The following XPO7 variants were observed in gnomAD, a reference collection of about 807,000 sequenced individuals.
XPO7 encodes the protein exportin-7.
XPO7 carries 21 observed loss-of-function variants against 144.3 expected under a neutral mutation model. That is an observed-to-expected ratio of 0.15 (90% CI 0.10 to 0.21). The LOEUF (loss-of-function observed/expected upper bound fraction) is 0.21, where lower values mean the gene tolerates loss of function less well. Ranked by LOEUF, XPO7 falls within the 10% of genes least tolerant of loss-of-function variation. The probability of loss-of-function intolerance (pLI) is 1.00; values close to 1 mark genes in which losing one functional copy is unlikely to be tolerated. For synonymous variants in XPO7, 580 were observed against 499.6 expected (o/e 1.16, Z -2.15); for missense variants, 808 against 1,325.8 (o/e 0.61, Z 6.06).
At chr8:21,976,894 A>G (rs1812240924) in intron 7 of XPO7, among the ~76,000 whole-genome samples, 1 of 152,192 alleles carries the variant, frequency 6.6e-6, no homozygotes, top group African/African-American at 2.4e-5. Flanking sequence ...CCTGGGTTCA[A>G]GTGATTCTCC....
rs1290782502 is a variant in XPO7 at position 21,989,078 on chromosome 8, C to A, written c.1863C>A (p.Ser621=). The A allele has an allele frequency of 1.9e-6, 3 of 1,613,428 alleles. No homozygotes were observed. Among genetic ancestry groups the A allele is most frequent in the Non-Finnish European group, 2.5e-6 (3 of 1,179,574 alleles). The change falls in exon 16 of 28, where the codon TCC becomes TCA. Residue 621 remains serine (S), a synonymous_variant. Coordinates refer to ENST00000252512, the MANE Select transcript of XPO7 (RefSeq NM_015024.5). ...SKTLQLLNDL[S]IGYSSVRKLV... ...CACTACAGCTTCTCAATGACCTGTC[C>A]ATTGGATATCCTTTTCTAAGCTAAC... is the stretch of plus-strand genomic sequence containing the variant.
intron 1 of XPO7, among the ~76,000 whole-genome samples, chr8:21,962,431 TTGTC>T (rs953767924): frequency 2.0e-5 from 3 of 152,250 alleles, no homozygotes; most frequent in African/African-American, 4.8e-5. Flanking sequence ...GAATAGTTTT[TTGTC>T]TGGTTGGTTT....
At chr8:21,932,117 G>C (rs1469803258) in intron 1 of XPO7, among the ~76,000 whole-genome samples, 1 of 152,020 alleles carries the variant, frequency 6.6e-6, no homozygotes, top group African/African-American at 2.4e-5. Context: ...CAGGTGATCC[G>C]CACGCCTCCC....
intron 1 of XPO7, among the ~76,000 whole-genome samples, chr8:21,923,283 C>T (rs987852460): frequency 2.2e-4 from 33 of 152,266 alleles, no homozygotes; most frequent in Non-Finnish European, 2.4e-4. Context: ...TTCTGATGCT[C>T]TTTTGGCAGG....
In XPO7 at chr8:21,985,627, G is replaced by A. The variant is rs568743752; in HGVS notation, c.1513G>A (p.Gly505Ser). ...GGTTTACATTATTGGAGCAGTGATC[G>A]GTGGCCGGGTTTCTTTTGCCAGCAC... ...WLVYIIGAVI[G>S]GRVSFASTDE... Residue 505 changes from glycine to serine, a missense_variant, in exon 13 of 28, where the codon GGT becomes AGT. Physicochemically the swap from Gly to Ser is moderately conservative, Grantham distance 56 (BLOSUM62 0). Transcript: ENST00000252512. 6 of 1,613,878 alleles carry A rather than the reference G, an allele frequency of 3.7e-6. No individual in the cohort carries two copies. The highest frequency in any genetic ancestry group is 4.5e-5 in the East Asian group (2 of 44,882).
intron 24 of XPO7, among the ~76,000 whole-genome samples, chr8:22,001,757 C>G (rs1813155605): frequency 6.6e-6 from 1 of 152,188 alleles, no homozygotes; most frequent in Non-Finnish European, 1.5e-5. Context: ...TTCCTGAGTT[C>G]TTGAGAGGAT....
At chr8:21,972,355 T>C (rs1022646433) in intron 5 of XPO7, among the ~76,000 whole-genome samples, 1 of 152,136 alleles carries the variant, frequency 6.6e-6, no homozygotes, top group African/African-American at 2.4e-5. Context: ...GGCATGTGCC[T>C]GTAGTCCCAG....
chr8:21,950,596 A>G (rs1811338516), intron 1 of XPO7, among the ~76,000 whole-genome samples: 1 of 152,214 alleles, frequency 6.6e-6, no homozygotes, highest in African/African-American at 2.4e-5. Context: ...AAATAATATT[A>G]TATGGACTTT....
At chr8:22,003,106 C>T in intron 25 of XPO7, 113 bp from the exon 26 acceptor site, 1 of 647,612 alleles carries the variant, frequency 1.5e-6, no homozygotes, top group Admixed American at 3.2e-5. Flanking sequence ...GTCTGATTTA[C>T]CCTATACAGA....
intron 13 of XPO7, among the ~76,000 whole-genome samples, chr8:21,986,675 A>T (rs914729038): frequency 1.3e-5 from 2 of 152,188 alleles, no homozygotes; most frequent in African/African-American, 4.8e-5. Flanking sequence ...CATAATATAA[A>T]TTTAGTTCAA....
At chr8:21,965,837 AATT>A (rs754480135) in intron 1 of XPO7, among the ~76,000 whole-genome samples, 45 of 152,122 alleles carry the variant, frequency 3.0e-4, no homozygotes, top group Non-Finnish European at 5.3e-4. Flanking sequence ...AGGTTGGTTT[AATT>A]ATTATTATTT....
intron 1 of XPO7, among the ~76,000 whole-genome samples, chr8:21,952,941 T>G (rs1341038200): frequency 1.3e-5 from 2 of 152,206 alleles, no homozygotes; most frequent in African/African-American, 4.8e-5. Context: ...AGACTTTATT[T>G]TTTAGAGCAG....
chr8:21,983,780 C>G (rs986867085), intron 11 of XPO7, among the ~76,000 whole-genome samples: 12 of 152,206 alleles, frequency 7.9e-5, no homozygotes, highest in Admixed American at 6.5e-5. Context: ...AAGGTTCTTA[C>G]AAGGATTAAA....
intron 20 of XPO7, among the ~76,000 whole-genome samples, chr8:21,995,230 A>G (rs1812907444): frequency 6.6e-6 from 1 of 152,262 alleles, no homozygotes; most frequent in Admixed American, 6.5e-5. Flanking sequence ...GAAAGGACAA[A>G]TAACAGTATG....
intron 1 of XPO7, among the ~76,000 whole-genome samples, chr8:21,938,704 A>C (rs1310633564): frequency 6.6e-6 from 1 of 152,174 alleles, no homozygotes; most frequent in African/African-American, 2.4e-5. Context: ...ACTAGATATG[A>C]AGGTGATCAG....
At position 21,971,869 on chromosome 8, in the gene XPO7, T is replaced by A. The variant is rs753894811; in HGVS notation, c.427-7T>A. 1 of 1,610,550 alleles carries A rather than the reference T, an allele frequency of 6.2e-7. No individual in the cohort carries two copies. Among genetic ancestry groups the A allele is most frequent in the Non-Finnish European group, 8.5e-7 (1 of 1,178,064 alleles). ...AACTCTTTCTACCTTATACTTTTTTTAACCAGGATAGTGTTGAATACTGCA... is the reference window on the plus strand; with the variant it reads ...AACTCTTTCTACCTTATACTTTTTTAAACCAGGATAGTGTTGAATACTGCA... On this transcript the variant is annotated splice_polypyrimidine_tract_variant and splice_region_variant and intron_variant, in intron 4 of 27. Transcript: ENST00000252512.
At chr8:21,930,123 T>G (rs1283098881) in intron 1 of XPO7, among the ~76,000 whole-genome samples, 5 of 152,226 alleles carry the variant, frequency 3.3e-5, no homozygotes, top group Admixed American at 2.6e-4. Flanking sequence ...CCATTTCTGG[T>G]TTCAAACATG....
intron 1 of XPO7, among the ~76,000 whole-genome samples, chr8:21,927,558 T>TTTTTTC (rs1563308369): frequency 7.2e-6 from 1 of 139,012 alleles, no homozygotes; most frequent in Admixed American, 7.1e-5. Flanking sequence ...TTTTTTTTTT[T>TTTTTTC]TCTTAAGATG....
intron 8 of XPO7, among the ~76,000 whole-genome samples, chr8:21,978,843 C>T (rs1170733665): frequency 1.3e-5 from 2 of 152,192 alleles, no homozygotes; most frequent in Non-Finnish European, 2.9e-5. Context: ...ACCCTGTTCC[C>T]TCTGCCCTCT....
Sources: gnomAD v4.1 joint callset for allele counts (sites outside exome capture counted in the v4.1 genomes callset) on GRCh38, gnomAD v4.1.1 for gene constraint, MANE v1.5 for transcripts, NCBI Gene and HGNC (gene_info 2026-07-23, HGNC 2026-07-21) for gene names.